Variants in PRELID2 observed in about 807,000 individuals in gnomAD.
The protein encoded by PRELID2 is PRELI domain containing 2.
In PRELID2, 25 loss-of-function variants were observed where a neutral mutation model predicts 28.4. That is an observed-to-expected ratio of 0.88 (90% CI 0.64 to 1.23). PRELID2 has a LOEUF of 1.23. Ranked by LOEUF, PRELID2 falls within the 50% of genes most tolerant of loss-of-function variation. The pLI is 0.00. For synonymous variants in PRELID2, 76 were observed against 71.6 expected, an observed-to-expected ratio of 1.06 and a Z score of -0.31; for missense variants, 201 against 214.4, an observed-to-expected ratio of 0.94 and a Z score of 0.39.
intron 1 of PRELID2, among the ~76,000 whole-genome samples, chr5:145,507,372 A>T (rs1580962045): frequency 6.6e-6 from 1 of 152,260 alleles, no homozygotes; most frequent in East Asian, 1.9e-4. Context: ...GGCCATAGGG[A>T]TTAAACTAGG....
intron 1 of PRELID2, among the ~76,000 whole-genome samples, chr5:145,600,525 C>G (rs948321784): frequency 6.6e-6 from 1 of 150,634 alleles, no homozygotes; most frequent in Non-Finnish European, 1.5e-5. Context: ...GAATATGAAA[C>G]TCACATATTA....
At chr5:145,588,371 CA>C (rs1195687214) in intron 1 of PRELID2, among the ~76,000 whole-genome samples, 2 of 152,086 alleles carry the variant, frequency 1.3e-5, no homozygotes. Context: ...CGCCATATGC[CA>C]AAAGCCCTAC....
intron 1 of PRELID2, among the ~76,000 whole-genome samples, chr5:145,508,537 A>T (rs1036362874): frequency 9.2e-5 from 14 of 151,900 alleles, no homozygotes; most frequent in African/African-American, 2.9e-4. Context: ...CATTAAAGTT[A>T]GTATATTTTA....
the PRELID2 span, among the ~76,000 whole-genome samples, chr5:145,413,373 C>G: frequency 1.3e-5 from 2 of 152,048 alleles, no homozygotes; most frequent in Non-Finnish European, 2.9e-5. Flanking sequence ...CACTTTTACA[C>G]TGCTGGTGGG....
chr5:145,609,388 C>T (rs751099317), intron 1 of PRELID2, among the ~76,000 whole-genome samples: 5 of 152,184 alleles, frequency 3.3e-5, no homozygotes, highest in African/African-American at 4.8e-5. Flanking sequence ...CTCCTCTAGT[C>T]GCTCCTGGGT....
chr5:145,352,105 G>A, the PRELID2 span, among the ~76,000 whole-genome samples: 2 of 152,138 alleles, frequency 1.3e-5, no homozygotes, highest in East Asian at 1.9e-4. Context: ...CCACTCTGGG[G>A]TCTGGAGGGT....
chr5:145,824,623 C>T (rs376441856), intron 1 of PRELID2, among the ~76,000 whole-genome samples: 13 of 152,174 alleles, frequency 8.5e-5, no homozygotes, highest in South Asian at 6.2e-4. Flanking sequence ...CAACAGCCAG[C>T]GTAATGCCTG....
the PRELID2 span, among the ~76,000 whole-genome samples, chr5:145,288,942 G>A: frequency 6.6e-6 from 1 of 152,136 alleles, no homozygotes; most frequent in Non-Finnish European, 1.5e-5. Flanking sequence ...TAGCCCATGG[G>A]CAACAATTTT....
intron 1 of PRELID2, among the ~76,000 whole-genome samples, chr5:145,622,617 T>C (rs1023521835): frequency 6.6e-6 from 1 of 152,094 alleles, no homozygotes; most frequent in African/African-American, 2.4e-5. Flanking sequence ...TTGGGAGGGA[T>C]CATTGGAGTT....
At chr5:145,392,972 A>C in the PRELID2 span, among the ~76,000 whole-genome samples, 2 of 152,102 alleles carry the variant, frequency 1.3e-5, no homozygotes, top group Non-Finnish European at 2.9e-5. Context: ...TGAGGGCTTT[A>C]ATCTCCTGCT....
chr5:145,498,263 T>C (rs1305021876), intron 1 of PRELID2, among the ~76,000 whole-genome samples: 1 of 152,058 alleles, frequency 6.6e-6, no homozygotes, highest in Non-Finnish European at 1.5e-5. Context: ...GTAAAGACAA[T>C]AGAATCAAGG....
At chr5:145,491,824 C>A (rs1393944681) in intron 1 of PRELID2, among the ~76,000 whole-genome samples, 2 of 151,810 alleles carry the variant, frequency 1.3e-5, no homozygotes, top group African/African-American at 4.8e-5. Flanking sequence ...TGGCTTATTT[C>A]ACTTAATGTA....
At chr5:145,808,866 A>G (rs950450062) in intron 4 of PRELID2, among the ~76,000 whole-genome samples, 1 of 150,652 alleles carries the variant, frequency 6.6e-6, no homozygotes, top group Non-Finnish European at 1.5e-5. Context: ...CCTGGGCAAC[A>G]GAGGGACCCT....
chr5:145,330,356 TCCTCTTTGTA>T, the PRELID2 span, among the ~76,000 whole-genome samples: 1 of 152,214 alleles, frequency 6.6e-6, no homozygotes, highest in Non-Finnish European at 1.5e-5. Context: ...TGGTACCAGC[TCCTCTTTGTA>T]CCTCTAGTAA....
At chr5:145,409,290 C>T in the PRELID2 span, among the ~76,000 whole-genome samples, 3 of 151,976 alleles carry the variant, frequency 2.0e-5, no homozygotes, top group Non-Finnish European at 4.4e-5. Flanking sequence ...CTCACAAGGC[C>T]TAGAAAACAA....
the PRELID2 span, among the ~76,000 whole-genome samples, chr5:145,270,692 A>C: frequency 3.3e-5 from 5 of 152,214 alleles, no homozygotes; most frequent in Middle Eastern, 3.4e-3. Context: ...ATAAAGAAGG[A>C]TTCTACAGAA....
intron 1 of PRELID2, among the ~76,000 whole-genome samples, chr5:145,646,573 C>T (rs1395569695): frequency 6.6e-6 from 1 of 152,124 alleles, no homozygotes; most frequent in Non-Finnish European, 1.5e-5. Flanking sequence ...GTTTTGCTCC[C>T]TTGCTGTTGA....
chr5:145,651,627 C>T, intron 1 of PRELID2, among the ~76,000 whole-genome samples: 1 of 152,220 alleles, frequency 6.6e-6, no homozygotes, highest in South Asian at 2.1e-4. Context: ...GCCTCTGCTG[C>T]TGATACCCAG....
chr5:145,822,092 G>A (rs1266711174), intron 2 of PRELID2, among the ~76,000 whole-genome samples: 1 of 152,144 alleles, frequency 6.6e-6, no homozygotes, highest in African/African-American at 2.4e-5. Context: ...GGGCTTCAGA[G>A]TCACACACAA....
Sources: gnomAD v4.1 joint callset for allele counts (sites outside exome capture counted in the v4.1 genomes callset) on GRCh38, gnomAD v4.1.1 for gene constraint, MANE v1.5 for transcripts, NCBI Gene and HGNC (gene_info 2026-07-23, HGNC 2026-07-21) for gene names.